Variants in NOLC1 observed in about 807,000 individuals in gnomAD.
NOLC1 encodes the protein nucleolar and coiled-body phosphoprotein 1, also known as 140 kDa nucleolar phosphoprotein.
In NOLC1, 37 loss-of-function variants were observed where a neutral mutation model predicts 73.4. The observed-to-expected ratio is 0.50, with a 90% CI of 0.39 to 0.66. The LOEUF is 0.66. Ranked by LOEUF, NOLC1 falls within the 30% of genes least tolerant of loss-of-function variation. The probability of loss-of-function intolerance (pLI) is 0.00; values close to 1 mark genes in which losing one functional copy is unlikely to be tolerated. For missense variants in NOLC1, 921 were observed against 838.9 expected, an observed-to-expected ratio of 1.10 and a Z score of -1.21; for synonymous variants, 327 against 302.6, an observed-to-expected ratio of 1.08 and a Z score of -0.84.
intron 1 of NOLC1, among the ~76,000 whole-genome samples, chr10:102,152,745 C>T (rs527462618): frequency 1.3e-5 from 2 of 152,316 alleles, no homozygotes; most frequent in African/African-American, 2.4e-5. Flanking sequence ...AGTCTTGTTG[C>T]TTTTTTCTTG....
intron 9 of NOLC1, 48 bp from the exon 10 acceptor site, chr10:102,160,404 C>G: frequency 6.2e-7 from 1 of 1,612,714 alleles, no homozygotes; most frequent in Middle Eastern, 1.7e-4. Flanking sequence ...TAAGGGCTCC[C>G]CTGAATCCAA....
At chr10:102,155,665 T>G (rs2069583179) in intron 1 of NOLC1, among the ~76,000 whole-genome samples, 1 of 151,186 alleles carries the variant, frequency 6.6e-6, no homozygotes, top group Non-Finnish European at 1.5e-5. Context: ...TGCACCACCA[T>G]GCCCAGTTAA....
intron 1 of NOLC1, among the ~76,000 whole-genome samples, chr10:102,154,229 G>C (rs1183091357): frequency 6.8e-6 from 1 of 147,666 alleles, no homozygotes; most frequent in Non-Finnish European, 1.5e-5. Context: ...GCCCCACCAT[G>C]CCTGGCTAAT....
At position 102,160,334 on chromosome 10, in the gene NOLC1, G is replaced by T. The variant is rs1201059908; in HGVS notation, c.1090G>T (p.Asp364Tyr). The change falls in exon 9 of 13, where the codon GAC (aspartate) becomes TAC (tyrosine). Residue 364 changes from aspartate (D) to tyrosine (Y), a missense_variant. Transcript: ENST00000605788. ...AAAGAAAGCAGCAGAGAGCTCTTCA[G>T]ACAGCTCAGGTAAGGCATATGGAGG... is the stretch of plus-strand genomic sequence containing the variant. ...PAKKAAESSS[D>Y]SSDSDSSEDD... 1.2e-6 allele frequency: 2 copies of T among 1,614,198 alleles called. No individual in the cohort carries two copies. The highest frequency in any genetic ancestry group is 2.2e-5 in the South Asian group (2 of 91,082).
Position 102,160,882 on chromosome 10 carries a change from G to A in NOLC1, c.1530G>A (p.Lys510=). ...CCCCTTCCAAGCCAGCCTCTGCAAA[G>A]AAAGGAAAGGCTGAGAGCAGCAACA... ...GAAPSKPASA[K]KGKAESSNSS... The change falls in exon 10 of 13, where the codon AAG becomes AAA. Residue 510 remains lysine (K), a synonymous_variant. Transcript: ENST00000605788. The A allele has an allele frequency of 6.2e-7, 1 of 1,614,162 alleles. No homozygotes were observed. Among genetic ancestry groups the A allele is most frequent in the Non-Finnish European group, 8.5e-7 (1 of 1,180,026 alleles).
rs2069701746 is a variant in NOLC1 at position 102,161,080 on chromosome 10, A to G, written c.1728A>G (p.Val576=). Residue 576 remains valine (V), a synonymous_variant, in exon 10 of 13, where the codon GTA becomes GTG. Transcript: ENST00000605788. ...AAGAAAAGAAAAAGGCGGCAGTGGT[A>G]GTTTCCAAATCAGGTCTGTACCCAA... ...EEEEKKKAAV[V]VSKSGSLKKR... is the part of the protein sequence containing the mutation. 3 of 1,608,276 alleles carry G rather than the reference A, an allele frequency of 1.9e-6. No homozygotes were observed. Among genetic ancestry groups the G allele is most frequent in the Non-Finnish European group, 2.5e-6 (3 of 1,179,056 alleles).
chr10:102,162,055 G>A, intron 12 of NOLC1, 56 bp from the exon 13 acceptor site: 1 of 1,605,764 alleles, frequency 6.2e-7, no homozygotes, highest in Non-Finnish European at 8.5e-7. Context: ...AAAGAATAAA[G>A]TGACAGGGCT....
At position 102,161,875 on chromosome 10, in the gene NOLC1, G is replaced by A; in HGVS notation, c.1891G>A (p.Glu631Lys). The change falls in exon 12 of 13, where the codon GAG becomes AAG. Residue 631 changes from glutamate (E) to lysine (K), a missense_variant. Transcript: ENST00000605788. ...ASSPFRRVRE[E>K]EIEVDSRVAD... ...ATCCCCATTCCGAAGGGTCAGGGAGGAGGAAATTGAGGTGGATTCACGAGT... is the reference window on the plus strand; with the variant it reads ...ATCCCCATTCCGAAGGGTCAGGGAGAAGGAAATTGAGGTGGATTCACGAGT... 1.2e-6 allele frequency: 2 copies of A among 1,614,178 alleles called. No individual in the cohort carries two copies. Among genetic ancestry groups the A allele is most frequent in the Non-Finnish European group, 1.7e-6 (2 of 1,180,044 alleles).
chr10:102,161,939 CT>C lies in NOLC1; in HGVS notation c.1941+15del. 1 of 1,612,480 alleles carries C rather than the reference CT, an allele frequency of 6.2e-7. No individual in the cohort carries two copies. The highest frequency in any genetic ancestry group is 8.5e-7 in the Non-Finnish European group (1 of 1,178,528). ...TTTGATGCCAAGGTGAGAGAGAGAT[CT>C]GTGCCATTCTTGGGAGGGAGGATGG... On this transcript the variant is annotated intron_variant, in intron 12 of 12. Coordinates refer to ENST00000605788, the MANE Select transcript of NOLC1 (RefSeq NM_004741.5).
chr10:102,159,447 G>C lies in NOLC1; in HGVS notation c.738G>C (p.Lys246Asn). The C allele has an allele frequency of 6.2e-7, 1 of 1,614,196 alleles. No homozygotes were observed. Among genetic ancestry groups the C allele is most frequent in the Non-Finnish European group, 8.5e-7 (1 of 1,180,046 alleles). ...AATPKKTVPK[K>N]QVVAKAPVKA... ...TTCTAATGCAGACTGTACCTAAAAAGCAAGTTGTGGCCAAGGCCCCAGTGA... is the reference window on the plus strand; with the variant it reads ...TTCTAATGCAGACTGTACCTAAAAACCAAGTTGTGGCCAAGGCCCCAGTGA... Residue 246 changes from lysine (K) to asparagine (N), a missense_variant, in exon 7 of 13, where the codon AAG becomes AAC. Lys to Asn is a moderately conservative substitution (Grantham distance 94). Coordinates refer to ENST00000605788, the MANE Select transcript of NOLC1 (RefSeq NM_004741.5).
rs144588863 is a variant in NOLC1 at position 102,157,035 on chromosome 10, A to G, written c.137A>G (p.Asn46Ser). 354 of 1,614,206 alleles carry G rather than the reference A, an allele frequency of 2.2e-4. 1 individual carries two copies. The highest frequency in any genetic ancestry group is 1.4e-3 in the African/African-American group (105 of 75,042). ...KATGATQQDA[N>S]ASSLLDIYSF... ...CTTCTACAGACACAGCAGGATGCCA[A>G]TGCCTCTTCCCTCTTAGACATCTAT... Residue 46 changes from asparagine to serine, a missense_variant, in exon 2 of 13, where the codon AAT becomes AGT. Asn to Ser is a conservative substitution (Grantham distance 46). Coordinates refer to ENST00000605788, the MANE Select transcript of NOLC1 (RefSeq NM_004741.5).
chr10:102,159,005 G>T (rs771265880), intron 5 of NOLC1, among the ~76,000 whole-genome samples, 188 bp from the exon 6 acceptor site: 5 of 140,420 alleles, frequency 3.6e-5, no homozygotes, highest in African/African-American at 7.9e-5. Flanking sequence ...TGAGGCGGGA[G>T]AGTTGCCTGA....
chr10:102,161,538 T>C lies in NOLC1; in HGVS notation c.1742-18T>C. 6.2e-7 allele frequency: 1 copy of C among 1,603,846 alleles called. No individual in the cohort carries two copies. The highest frequency in any genetic ancestry group is 2.2e-5 in the East Asian group (1 of 44,814). On this transcript the variant is annotated intron_variant, in intron 10 of 12. Transcript: ENST00000605788. Reference sequence around the variant, plus strand: ...TGAGCCACTGTACTCGGCCTGAGTCTGGCTTTTTGTTTTGTAGGTTCATTA... The same window carrying C: ...TGAGCCACTGTACTCGGCCTGAGTCCGGCTTTTTGTTTTGTAGGTTCATTA...
intron 10 of NOLC1, 83 bp from the exon 11 acceptor site, chr10:102,161,473 C>T (rs2069708527): frequency 1.0e-6 from 1 of 953,440 alleles, no homozygotes; most frequent in African/African-American, 1.6e-5. Flanking sequence ...CTCAAGCGAT[C>T]CTCCTACCTT....
At chr10:102,157,109 C>T in intron 2 of NOLC1, 35 bp downstream of exon 2, 1 of 1,613,950 alleles carries the variant, frequency 6.2e-7, no homozygotes, top group Non-Finnish European at 8.5e-7. Flanking sequence ...GCTATTTTCT[C>T]CCCCAAGATA....
chr10:102,162,353 A>C lies in NOLC1; in HGVS notation c.*84A>C. On this transcript the variant is annotated 3_prime_UTR_variant, in exon 13 of 13. Transcript: ENST00000605788. ...TGGACCTGGGAACCCTCAGGTCTCT[A>C]GGTGAGGGTCTTGATGAGGACAGAA... is the stretch of plus-strand genomic sequence containing the variant. 6.9e-7 allele frequency: 1 copy of C among 1,458,234 alleles called. No homozygotes were observed. The allele number at this position is 1,458,234 out of a possible 1,614,324, so 90.3% of individuals were successfully genotyped here.
intron 1 of NOLC1, among the ~76,000 whole-genome samples, chr10:102,154,965 C>T (rs2069566999): frequency 6.6e-6 from 1 of 152,118 alleles, no homozygotes. Context: ...AGGCAATCCT[C>T]CTGCCTCAGT....
At chr10:102,159,154 C>T (rs1429223693) in intron 5 of NOLC1, 39 bp from the exon 6 acceptor site, 1 of 1,606,922 alleles carries the variant, frequency 6.2e-7, no homozygotes, top group East Asian at 2.2e-5. Context: ...CTGACTTGCC[C>T]TAATACTCCT....
chr10:102,163,801 A>T lies in NOLC1; in HGVS notation c.*1532A>T, dbSNP rs1027545671. The T allele has an allele frequency of 2.0e-5, 3 of 152,196 alleles. No individual in the cohort carries two copies. Among genetic ancestry groups the T allele is most frequent in the African/African-American group, 7.2e-5 (3 of 41,442 alleles). The allele number at this position is 152,196 out of a possible 1,614,324, so 9.4% of individuals were successfully genotyped here. Reference sequence around the variant, plus strand: ...AAATGTACTGTTCATGCTGACACAGATATTTCAGTCTGCATGGTAAAAGTT... The same window carrying T: ...AAATGTACTGTTCATGCTGACACAGTTATTTCAGTCTGCATGGTAAAAGTT... On this transcript the variant is annotated 3_prime_UTR_variant, in exon 13 of 13. Transcript: ENST00000605788.
Sources: gnomAD v4.1 joint callset for allele counts (sites outside exome capture counted in the v4.1 genomes callset) on GRCh38, gnomAD v4.1.1 for gene constraint, MANE v1.5 for transcripts, NCBI Gene and HGNC (gene_info 2026-07-23, HGNC 2026-07-21) for gene names.